The following FRYL variants were observed in gnomAD, a reference collection of about 807,000 sequenced individuals.
The protein encoded by FRYL is FRY like transcription coactivator.
FRYL carries 150 observed loss-of-function variants against 351.2 expected under a neutral mutation model. That is an observed-to-expected ratio of 0.43 (90% CI 0.37 to 0.49). FRYL has a LOEUF of 0.49. Ranked by LOEUF, FRYL falls within the 20% of genes least tolerant of loss-of-function variation. The probability of loss-of-function intolerance (pLI) is 0.00; values close to 1 mark genes in which losing one functional copy is unlikely to be tolerated. For synonymous variants in FRYL, 1,153 were observed against 1,257.1 expected (o/e 0.92, Z 1.75); for missense variants, 3,036 against 3,619.3 (o/e 0.84, Z 4.13).
intron 30 of FRYL, among the ~76,000 whole-genome samples, chr4:48,564,398 G>A (rs1279720810): frequency 6.6e-6 from 1 of 152,138 alleles, no homozygotes; most frequent in African/African-American, 2.4e-5. Flanking sequence ...TCAGAAAAAT[G>A]AGTCATTAAC....
chr4:48,770,367 T>A (rs576076617), intron 1 of FRYL, among the ~76,000 whole-genome samples: 1 of 152,316 alleles, frequency 6.6e-6, no homozygotes, highest in East Asian at 1.9e-4. Flanking sequence ...GGAACTAATA[T>A]ATTTTAAATT....
At chr4:48,734,635 T>C (rs552562182) in intron 1 of FRYL, among the ~76,000 whole-genome samples, 129 of 152,292 alleles carry the variant, frequency 8.5e-4, no homozygotes, top group Non-Finnish European at 7.6e-4. Flanking sequence ...GTCACTAAGA[T>C]AGAACACATT....
intron 1 of FRYL, among the ~76,000 whole-genome samples, chr4:48,718,572 T>G (rs1769125416): frequency 6.6e-6 from 1 of 151,446 alleles, no homozygotes; most frequent in Non-Finnish European, 1.5e-5. Context: ...CCCTATTAAA[T>G]TTGAATTCTC....
intron 7 of FRYL, among the ~76,000 whole-genome samples, chr4:48,613,375 C>T (rs1748647605): frequency 6.6e-6 from 1 of 152,074 alleles, no homozygotes; most frequent in Non-Finnish European, 1.5e-5. Context: ...TATCAGGTAC[C>T]AACTAGGAGT....
intron 33 of FRYL, among the ~76,000 whole-genome samples, chr4:48,559,776 G>C (rs1735045574): frequency 6.6e-6 from 1 of 151,856 alleles, no homozygotes; most frequent in Non-Finnish European, 1.5e-5. Context: ...TCTACCAAAA[G>C]AGACAGAAAA....
intron 2 of FRYL, among the ~76,000 whole-genome samples, chr4:48,695,557 A>G (rs1766079609): frequency 6.6e-6 from 1 of 152,072 alleles, no homozygotes; most frequent in South Asian, 2.1e-4. Context: ...CCACAGAACA[A>G]ATACTATTCT....
chr4:48,504,251 A>T (rs963163229), intron 60 of FRYL, among the ~76,000 whole-genome samples: 1 of 152,154 alleles, frequency 6.6e-6, no homozygotes, highest in African/African-American at 2.4e-5. Context: ...ATCAAATTGC[A>T]TAAAAAGCGT....
In FRYL at chr4:48,605,821, A is replaced by C; in HGVS notation, c.754T>G (p.Tyr252Asp). The C allele has an allele frequency of 6.3e-7, 1 of 1,589,788 alleles. No homozygotes were observed. The highest frequency in any genetic ancestry group is 8.6e-7 in the Non-Finnish European group (1 of 1,159,668). ...TCTTTATCTTTCACTTCTAAGAAAT[A>C]CTGAGCACATTCCTTAAAGGGAAAG... Reference protein sequence around the residue: ...SFQFMQECAQYFLEVKDKDIK... With the variant: ...SFQFMQECAQDFLEVKDKDIK... Residue 252 changes from tyrosine to aspartate, a missense_variant, in exon 11 of 64, where the codon TAT becomes GAT. Tyr to Asp is a radical substitution (Grantham distance 160, BLOSUM62 -3). This residue lies in a region of FRYL where 457 missense variants were observed against 566.6 expected (regional missense o/e 0.81). Transcript: ENST00000358350.
intron 50 of FRYL, among the ~76,000 whole-genome samples, chr4:48,529,031 T>C (rs1026212471): frequency 2.6e-5 from 4 of 152,186 alleles, no homozygotes; most frequent in African/African-American, 7.2e-5. Context: ...CTACGACCAC[T>C]TCCCCCTCTC....
At chr4:48,550,800 G>A (rs1258221593) in intron 37 of FRYL, 96 bp from the exon 38 acceptor site, 9 of 935,328 alleles carry the variant, frequency 9.6e-6, no homozygotes, top group Admixed American at 3.5e-5. Flanking sequence ...GAGGACGGAC[G>A]CCATGGTTCA....
Position 48,547,760 on chromosome 4 carries a change from TG to T in FRYL, c.4897del (p.His1633ThrfsTer18). 1 of 1,503,424 alleles carries T rather than the reference TG, an allele frequency of 6.7e-7. No individual in the cohort carries two copies. The highest frequency in any genetic ancestry group is 9.0e-7 in the Non-Finnish European group (1 of 1,111,976). 93.1% of individuals were successfully genotyped at this position (1,503,424 alleles called of 1,614,324 possible). A position where few individuals can be genotyped will look rare whatever the true frequency, so the allele number is the denominator to read the frequency against. On this transcript the variant is annotated frameshift_variant, in exon 41 of 64. Transcript: ENST00000358350. LOFTEE classifies it high-confidence loss of function. ...ATGTTCATACACCTCAGGGTGGCAG[TG>T]GTCAAACCCTAAAAAGGATAGTAGA... ...LLHAIFIGFDHCHPEVYEHCK... is the reference protein window; with the variant it reads ...LLHAIFIGFDXCHPEVYEHCK...
chr4:48,623,270 G>A, intron 4 of FRYL, 91 bp from the exon 5 acceptor site: 2 of 786,146 alleles, frequency 2.5e-6, no homozygotes, highest in Non-Finnish European at 3.9e-6. Flanking sequence ...GTTTAGATTT[G>A]TGCGTTTGGT....
At chr4:48,609,633 A>AT in intron 8 of FRYL, 111 bp downstream of exon 8, 7 of 530,250 alleles carry the variant, frequency 1.3e-5, no homozygotes, top group Non-Finnish European at 2.3e-5. Flanking sequence ...AAAAAAAAAA[A>AT]GGAAGATAAG....
intron 3 of FRYL, among the ~76,000 whole-genome samples, chr4:48,671,889 A>AAAAAAG (rs1762816111): frequency 6.7e-6 from 1 of 148,514 alleles, no homozygotes; most frequent in Non-Finnish European, 1.5e-5. Context: ...AAAAAAAAAA[A>AAAAAAG]AAGAAGGAAA....
At chr4:48,748,374 G>A (rs764145097) in intron 1 of FRYL, among the ~76,000 whole-genome samples, 2 of 152,100 alleles carry the variant, frequency 1.3e-5, no homozygotes, top group Non-Finnish European at 2.9e-5. Flanking sequence ...TGAACATTAC[G>A]TTTCCCAGCT....
intron 26 of FRYL, chr4:48,571,824 T>C (rs1197331514): frequency 1.0e-6 from 1 of 984,754 alleles, no homozygotes; most frequent in African/African-American, 1.7e-5. Flanking sequence ...ACAGAAACAG[T>C]GTGAGTCTAA....
intron 60 of FRYL, among the ~76,000 whole-genome samples, chr4:48,503,159 T>TTA (rs1720093308): frequency 6.8e-6 from 1 of 146,294 alleles, no homozygotes; most frequent in East Asian, 2.0e-4. Context: ...TATCCAGGTT[T>TTA]AAAAAAAAAA....
chr4:48,693,493 A>AT (rs1765855150), intron 2 of FRYL, among the ~76,000 whole-genome samples: 1 of 152,040 alleles, frequency 6.6e-6, no homozygotes, highest in African/African-American at 2.4e-5. Context: ...CTCCCCGTTT[A>AT]TTTTTTAATC....
chr4:48,726,134 G>A (rs1770057748), intron 1 of FRYL, among the ~76,000 whole-genome samples: 1 of 152,148 alleles, frequency 6.6e-6, no homozygotes, highest in South Asian at 2.1e-4. Flanking sequence ...TTTTTGTGGG[G>A]GTAGGTGGTG....
Sources: allele counts gnomAD v4.1 joint callset (sites outside exome capture counted in the v4.1 genomes callset), GRCh38; gene constraint gnomAD v4.1.1; regional missense constraint gnomAD v4.1.1; transcripts MANE v1.5; gene names NCBI Gene and HGNC (gene_info 2026-07-23, HGNC 2026-07-21).